The following ALG9 variants were observed in gnomAD, a reference collection of about 807,000 sequenced individuals.
ALG9 encodes the protein alpha-1,2-mannosyltransferase ALG9.
In ALG9, 55 loss-of-function variants were observed where a neutral mutation model predicts 81.8. That is an observed-to-expected ratio of 0.67 (90% CI 0.54 to 0.84). The LOEUF is 0.84. Ranked by LOEUF, ALG9 falls within the 40% of genes least tolerant of loss-of-function variation. The probability of loss-of-function intolerance (pLI) is 0.00; values close to 1 mark genes in which losing one functional copy is unlikely to be tolerated. For synonymous variants in ALG9, 278 were observed against 274.3 expected (o/e 1.01, Z -0.13); for missense variants, 629 against 745.0 (o/e 0.84, Z 1.81).
At chr11:111,851,809 C>G (rs973953302) in intron 8 of ALG9, among the ~76,000 whole-genome samples, 2 of 152,100 alleles carry the variant, frequency 1.3e-5, no homozygotes, top group Non-Finnish European at 2.9e-5. Context: ...AGCAAACTCT[C>G]CCTAGCTAAA....
At chr11:111,832,137 A>G (rs1006907666) in intron 13 of ALG9, among the ~76,000 whole-genome samples, 1 of 152,228 alleles carries the variant, frequency 6.6e-6, no homozygotes, top group Non-Finnish European at 1.5e-5. Context: ...TTTTACTACT[A>G]CAAGCTGCAA....
rs562965701 is a variant in ALG9, at chr11:111,864,375, A to G, written c.476+806T>C. On this transcript the variant is annotated intron_variant, in intron 4 of 14. Transcript: ENST00000616540. ...GCAGACTTCAAACAATTCTGTCTGC[A>G]GAATGTTCAACATGACCCTCTGCTG... 10 of 766,150 alleles carry G rather than the reference A, an allele frequency of 1.3e-5. No homozygotes were observed. The African/African-American group carries it at 1.5e-4, about 12-fold the overall frequency. The allele number at this position is 766,150 out of a possible 1,614,324, so 47.5% of individuals were successfully genotyped here. A position where few individuals can be genotyped will look rare whatever the true frequency, so the allele number is the denominator to read the frequency against.
intron 6 of ALG9, among the ~76,000 whole-genome samples, chr11:111,855,240 A>T (rs1195053717): frequency 6.6e-6 from 1 of 151,986 alleles, no homozygotes; most frequent in Non-Finnish European, 1.5e-5. Context: ...TTTTTTAAAA[A>T]CCCTTTAAAA....
chr11:111,804,860 G>T (rs531534686), intron 14 of ALG9, among the ~76,000 whole-genome samples: 1 of 152,194 alleles, frequency 6.6e-6, no homozygotes, highest in Non-Finnish European at 1.5e-5. Context: ...TTGCTGGTAC[G>T]AACGCAAAAT....
chr11:111,854,129 A>C, intron 6 of ALG9, among the ~76,000 whole-genome samples: 3 of 131,572 alleles, frequency 2.3e-5, no homozygotes, highest in Admixed American at 8.9e-5. Context: ...ACAGGGTCTC[A>C]CTCTATTGCC....
intron 3 of ALG9, among the ~76,000 whole-genome samples, chr11:111,868,185 G>T (rs929163408): frequency 2.6e-5 from 4 of 152,064 alleles, no homozygotes; most frequent in African/African-American, 4.8e-5. Flanking sequence ...ACACCAAGAC[G>T]CATCATAGTC....
chr11:111,798,805 G>A (rs782485303), intron 14 of ALG9, among the ~76,000 whole-genome samples: 2 of 152,288 alleles, frequency 1.3e-5, no homozygotes, highest in Non-Finnish European at 2.9e-5. Flanking sequence ...GGACTAGAAC[G>A]TGTTGATTAA....
At chr11:111,814,589 T>C (rs1555095115) in intron 13 of ALG9, 3 of 152,224 alleles carry the variant, frequency 2.0e-5, no homozygotes, top group South Asian at 4.1e-4. Flanking sequence ...AAGTTGGTCA[T>C]CTCTGGCTTA....
chr11:111,797,256 G>A (rs1948435142), intron 14 of ALG9, among the ~76,000 whole-genome samples: 1 of 152,188 alleles, frequency 6.6e-6, no homozygotes, highest in Admixed American at 6.5e-5. Flanking sequence ...TCCAAGGCTA[G>A]GTCATAAAAA....
At chr11:111,775,967 A>G in the ALG9 span, among the ~76,000 whole-genome samples, 2 of 152,134 alleles carry the variant, frequency 1.3e-5, no homozygotes, top group Admixed American at 6.6e-5. Context: ...AATATCTCCA[A>G]GCATCAGTTT....
At position 111,871,495 on chromosome 11, in the gene ALG9, G is replaced by GA. The variant is rs1964275797; in HGVS notation, c.-14dup. The GA allele has an allele frequency of 2.0e-5, 31 of 1,536,464 alleles. No individual in the cohort carries two copies. Among genetic ancestry groups the GA allele is most frequent in the Non-Finnish European group, 2.6e-5 (30 of 1,146,636 alleles). ...CTCGACTAGCCATGGCAAGCCTGGG[G>GA]AAAAAAGAATTCGGCACCCTATGAA... On this transcript the variant is annotated 5_prime_UTR_variant, in exon 1 of 15. Transcript: ENST00000616540.
At chr11:111,787,292 G>A (rs1555065827) in intron 14 of ALG9, among the ~76,000 whole-genome samples, 2 of 151,634 alleles carry the variant, frequency 1.3e-5, no homozygotes, top group Non-Finnish European at 1.5e-5. Context: ...AATTAGCCAG[G>A]CATGGTGGTG....
the ALG9 span, among the ~76,000 whole-genome samples, chr11:111,770,079 T>C: frequency 2.3e-4 from 35 of 152,250 alleles, 1 homozygote; most frequent in South Asian, 5.4e-3. Context: ...AACATGGAGA[T>C]GCTAATAAAT....
chr11:111,827,184 T>C (rs782514150), intron 13 of ALG9, among the ~76,000 whole-genome samples: 5 of 152,194 alleles, frequency 3.3e-5, no homozygotes, highest in Non-Finnish European at 7.3e-5. Context: ...TTTTCTTAAA[T>C]GACAGGAGAT....
At chr11:111,842,025 T>G (rs1009328212) in intron 9 of ALG9, among the ~76,000 whole-genome samples, 2 of 152,150 alleles carry the variant, frequency 1.3e-5, no homozygotes, top group Non-Finnish European at 2.9e-5. Flanking sequence ...GCCTCCTTAG[T>G]AGCTGGGATT....
the ALG9 span, among the ~76,000 whole-genome samples, chr11:111,769,615 TC>T: frequency 6.9e-5 from 8 of 116,140 alleles, no homozygotes; most frequent in African/African-American, 2.2e-4. Flanking sequence ...AGACCCTGTC[TC>T]AAAAAAAAAA....
At chr11:111,862,245 T>C (rs1006083399) in intron 4 of ALG9, among the ~76,000 whole-genome samples, 1 of 150,596 alleles carries the variant, frequency 6.6e-6, no homozygotes, top group Non-Finnish European at 1.5e-5. Context: ...TTTTCTTTTT[T>C]TTTTTTTTTT....
chr11:111,864,373 G>A, intron 4 of ALG9: 1 of 766,174 alleles, frequency 1.3e-6, no homozygotes, highest in Non-Finnish European at 2.4e-6. Flanking sequence ...AATTCTGTCT[G>A]CAGAATGTTC....
chr11:111,837,712 A>G, intron 11 of ALG9, 97 bp from the exon 12 acceptor site: 2 of 1,410,656 alleles, frequency 1.4e-6, no homozygotes, highest in Non-Finnish European at 2.0e-6. Context: ...AAGCCACAGG[A>G]AATTTAAAAG....
Sources: allele counts gnomAD v4.1 joint callset (sites outside exome capture counted in the v4.1 genomes callset), GRCh38; gene constraint gnomAD v4.1.1; transcripts MANE v1.5; gene names NCBI Gene and HGNC (gene_info 2026-07-23, HGNC 2026-07-21).